MSR1: variants seen among roughly 807,000 people sequenced by gnomAD.
MSR1 encodes the protein macrophage scavenger receptor types I and II.
In MSR1, 53 loss-of-function variants were observed where a neutral mutation model predicts 47.2. That is an observed-to-expected ratio of 1.12 (90% CI 0.90 to 1.41). The LOEUF (loss-of-function observed/expected upper bound fraction) is 1.41. Ranked by LOEUF, MSR1 falls within the 40% of genes most tolerant of loss-of-function variation. MSR1 has a pLI of 0.00. For synonymous variants in MSR1, 239 were observed against 185.6 expected (o/e 1.29, Z -2.34); for missense variants, 786 against 546.9 (o/e 1.44, Z -4.36).
intron 9 of MSR1, among the ~76,000 whole-genome samples, chr8:16,112,545 T>G (rs941486802): frequency 6.6e-5 from 10 of 152,136 alleles, no homozygotes; most frequent in African/African-American, 2.4e-4. Flanking sequence ...AAAAATTTAT[T>G]TAATACACAT....
intron 8 of MSR1, chr8:16,140,034 C>T: frequency 1.0e-5 from 8 of 798,812 alleles, no homozygotes; most frequent in Non-Finnish European, 1.2e-5. Context: ...ACAATTATCT[C>T]TTATTAGCTG....
intron 4 of MSR1, among the ~76,000 whole-genome samples, chr8:16,164,621 T>C (rs999259251): frequency 2.0e-5 from 3 of 152,028 alleles, no homozygotes; most frequent in Non-Finnish European, 2.9e-5. Flanking sequence ...AGTGGCAACA[T>C]AGTCAAATTT....
chr8:16,158,276 A>C (rs967329591), intron 5 of MSR1, among the ~76,000 whole-genome samples: 1 of 152,144 alleles, frequency 6.6e-6, no homozygotes, highest in East Asian at 1.9e-4. Flanking sequence ...TATACAACAC[A>C]TGCACAAAAT....
intron 7 of MSR1, among the ~76,000 whole-genome samples, chr8:16,149,197 T>A (rs1338133888): frequency 6.6e-6 from 1 of 152,098 alleles, no homozygotes; most frequent in Non-Finnish European, 1.5e-5. Context: ...TAATAATATG[T>A]CAGTGTTGGT....
At chr8:16,129,610 T>C (rs1800208906) in intron 8 of MSR1, among the ~76,000 whole-genome samples, 1 of 151,984 alleles carries the variant, frequency 6.6e-6, no homozygotes, top group Admixed American at 6.6e-5. Context: ...CAGCTGAGTG[T>C]GGTGACCTGT....
Position 16,175,261 on chromosome 8 carries a change from G to C in MSR1, c.143C>G (p.Ser48Cys), listed in dbSNP as rs1183664160. Residue 48 changes from serine (S) to cysteine (C), a missense_variant, in exon 3 of 10, where the codon TCC becomes TGC. Physicochemically the swap from Ser to Cys is moderately radical, Grantham distance 112. Coordinates refer to ENST00000262101, the MANE Select transcript of MSR1 (RefSeq NM_138715.3). ...AAGGGCAATCAGTGCAGCTTTGAAGGACTTCAGTTTCTCTTGAAGGGAAGG... is the reference window on the plus strand; with the variant it reads ...AAGGGCAATCAGTGCAGCTTTGAAGCACTTCAGTTTCTCTTGAAGGGAAGG... ...NSPSLQEKLK[S>C]FKAALIALYL... The C allele has an allele frequency of 1.9e-6, 3 of 1,614,048 alleles. No individual in the cohort carries two copies. Among genetic ancestry groups the C allele is most frequent in the Middle Eastern group, 3.3e-4 (2 of 6,060 alleles).
intron 6 of MSR1, among the ~76,000 whole-genome samples, chr8:16,152,976 T>C (rs1337628056): frequency 1.3e-5 from 2 of 152,076 alleles, no homozygotes; most frequent in Non-Finnish European, 2.9e-5. Context: ...CTAAAATAAA[T>C]TTGTTATTAT....
At chr8:16,132,812 A>C (rs1800293252) in intron 8 of MSR1, among the ~76,000 whole-genome samples, 1 of 152,026 alleles carries the variant, frequency 6.6e-6, no homozygotes, top group Non-Finnish European at 1.5e-5. Context: ...TACCATGCTG[A>C]ACAGGAGTAG....
At chr8:16,125,965 A>G (rs17677191) in intron 8 of MSR1, among the ~76,000 whole-genome samples, 6,821 of 152,196 alleles carry the variant, frequency 0.045, 252 homozygotes, top group East Asian at 0.14. Flanking sequence ...AATACTTGTA[A>G]TCAAGATGGT....
At chr8:16,145,317 T>G (rs1388494184) in intron 7 of MSR1, among the ~76,000 whole-genome samples, 1 of 152,084 alleles carries the variant, frequency 6.6e-6, no homozygotes, top group Non-Finnish European at 1.5e-5. Flanking sequence ...TAATAAAATA[T>G]AGTGCCAAAT....
intron 8 of MSR1, among the ~76,000 whole-genome samples, chr8:16,123,049 G>T (rs1002105177): frequency 6.6e-6 from 1 of 151,872 alleles, no homozygotes; most frequent in Non-Finnish European, 1.5e-5. Context: ...GTTTCACCGT[G>T]TTAGCCAGGA....
intron 8 of MSR1, 93 bp from the exon 9 acceptor site, chr8:16,120,699 A>C (rs760016425): frequency 7.8e-6 from 11 of 1,414,976 alleles, no homozygotes; most frequent in Admixed American, 2.6e-5. Flanking sequence ...TTTAAACACA[A>C]AAAAATGTTT....
intron 8 of MSR1, among the ~76,000 whole-genome samples, chr8:16,130,515 T>C (rs78053415): frequency 0.017 from 2,616 of 152,274 alleles, 73 homozygotes; most frequent in African/African-American, 0.06. Context: ...CAGGCGTACC[T>C]GTGAAGGTTG....
At chr8:16,137,198 G>A (rs1196184141) in intron 8 of MSR1, among the ~76,000 whole-genome samples, 1 of 152,102 alleles carries the variant, frequency 6.6e-6, no homozygotes, top group African/African-American at 2.4e-5. Context: ...GATAATGGAA[G>A]CTTTGTGAGC....
intron 1 of MSR1, among the ~76,000 whole-genome samples, chr8:16,189,566 TTATTTTATATA>T (rs1186089523): frequency 1.1e-5 from 1 of 89,620 alleles, no homozygotes; most frequent in Non-Finnish European, 1.9e-5. Flanking sequence ...ATATGAAATC[TTATTTTATATA>T]TATTTTATAT....
intron 1 of MSR1, among the ~76,000 whole-genome samples, chr8:16,187,780 A>G (rs1375494436): frequency 2.6e-5 from 4 of 152,176 alleles, no homozygotes; most frequent in Non-Finnish European, 5.9e-5. Context: ...CATATTGGAA[A>G]ATAAAATATT....
intron 8 of MSR1, among the ~76,000 whole-genome samples, chr8:16,133,723 C>T (rs1800318865): frequency 6.6e-6 from 1 of 152,144 alleles, no homozygotes; most frequent in Admixed American, 6.6e-5. Flanking sequence ...CAGGATTATA[C>T]TGGGAAATCC....
At chr8:16,155,440 G>A (rs1438366597) in intron 5 of MSR1, among the ~76,000 whole-genome samples, 1 of 151,990 alleles carries the variant, frequency 6.6e-6, no homozygotes, top group Non-Finnish European at 1.5e-5. Flanking sequence ...AAAGACAGCA[G>A]GCTGGCACAA....
intron 8 of MSR1, among the ~76,000 whole-genome samples, chr8:16,138,411 G>T (rs978180446): frequency 6.6e-6 from 1 of 152,098 alleles, no homozygotes; most frequent in African/African-American, 2.4e-5. Flanking sequence ...TCTTCATTAT[G>T]CATTTTTAAA....
Sources: gnomAD v4.1 joint callset for allele counts (sites outside exome capture counted in the v4.1 genomes callset) on GRCh38, gnomAD v4.1.1 for gene constraint, MANE v1.5 for transcripts, NCBI Gene and HGNC (gene_info 2026-07-23, HGNC 2026-07-21) for gene names.